Variants in MTHFD2L observed in about 807,000 individuals in gnomAD.
MTHFD2L encodes the protein methylenetetrahydrofolate dehydrogenase (NADP+ dependent) 2 like.
MTHFD2L carries 29 observed loss-of-function variants against 34.9 expected under a neutral mutation model. The observed-to-expected ratio is 0.83, with a 90% CI of 0.62 to 1.13. MTHFD2L has a LOEUF of 1.13. Ranked by LOEUF, MTHFD2L falls within the 50% of genes most tolerant of loss-of-function variation. MTHFD2L has a pLI of 0.00. For synonymous variants in MTHFD2L, 167 were observed against 155.7 expected (o/e 1.07, Z -0.54); for missense variants, 481 against 446.5 (o/e 1.08, Z -0.70).
chr4:74,129,730 G>A (rs1347910128), intron 1 of MTHFD2L, among the ~76,000 whole-genome samples: 1 of 151,732 alleles, frequency 6.6e-6, no homozygotes, highest in Non-Finnish European at 1.5e-5. Context: ...AAATAACTAA[G>A]ATCAGAATAG....
chr4:74,122,211 G>A (rs973086536), upstream of MTHFD2L, among the ~76,000 whole-genome samples: 1 of 152,114 alleles, frequency 6.6e-6, no homozygotes, highest in Admixed American at 6.6e-5. Context: ...AGAACTACCT[G>A]AGGCTGGGTA....
chr4:74,240,884 A>C (rs1020187734), intron 6 of MTHFD2L, among the ~76,000 whole-genome samples: 2 of 152,222 alleles, frequency 1.3e-5, no homozygotes, highest in Non-Finnish European at 2.9e-5. Flanking sequence ...GTCTCCTACA[A>C]ACTACCAAAC....
chr4:74,224,628 C>T (rs887171398), intron 5 of MTHFD2L, among the ~76,000 whole-genome samples: 8 of 152,078 alleles, frequency 5.3e-5, no homozygotes, highest in African/African-American at 1.9e-4. Context: ...TCTCTTGCCT[C>T]TCTTGTTCTT....
intron 6 of MTHFD2L, among the ~76,000 whole-genome samples, chr4:74,269,102 A>T (rs1389400810): frequency 1.3e-5 from 2 of 152,202 alleles, no homozygotes; most frequent in African/African-American, 4.8e-5. Context: ...TTTTCACCTG[A>T]AACAGAAAAA....
chr4:74,260,320 G>T (rs1484397669), intron 6 of MTHFD2L, among the ~76,000 whole-genome samples: 1 of 152,146 alleles, frequency 6.6e-6, no homozygotes, highest in Non-Finnish European at 1.5e-5. Flanking sequence ...AATCCTCCCT[G>T]TATCCACTCT....
rs762048685 is a variant in MTHFD2L, at chr4:74,301,801, A to G, written c.1036A>G (p.Ile346Val). ...KNTLLAAKKI[I>V]Y ...CACCCTTCTGGCAGCTAAAAAAATC[A>G]TTTACTAGATCACATGAAAGGATAA... The change falls in exon 8 of 8, where the codon ATT (isoleucine) becomes GTT (valine). Residue 346 changes from isoleucine to valine, a missense_variant. Coordinates refer to ENST00000325278, the MANE Select transcript of MTHFD2L (RefSeq NM_001144978.3). 1 of 1,600,382 alleles carries G rather than the reference A, an allele frequency of 6.2e-7. No individual in the cohort carries two copies. The highest frequency in any genetic ancestry group is 8.5e-7 in the Non-Finnish European group (1 of 1,170,716).
chr4:74,256,631 A>T (rs922677324), intron 6 of MTHFD2L, among the ~76,000 whole-genome samples: 4 of 152,204 alleles, frequency 2.6e-5, no homozygotes, highest in African/African-American at 9.6e-5. Context: ...TCTCAGCACC[A>T]TTTATGGAAT....
At chr4:74,288,571 A>C (rs747395034) in intron 7 of MTHFD2L, 19 of 152,192 alleles carry the variant, frequency 1.2e-4, no homozygotes, top group Non-Finnish European at 2.2e-4. Flanking sequence ...CATTCAGCTT[A>C]CCTATCCAGA....
chr4:74,230,305 G>C (rs575066496), intron 6 of MTHFD2L, among the ~76,000 whole-genome samples: 1 of 152,034 alleles, frequency 6.6e-6, no homozygotes, highest in African/African-American at 2.4e-5. Context: ...TGATGGGAAA[G>C]GTGGCCGGGT....
intron 1 of MTHFD2L, among the ~76,000 whole-genome samples, chr4:74,144,710 T>A (rs1560411600): frequency 6.6e-6 from 1 of 152,192 alleles, no homozygotes; most frequent in Non-Finnish European, 1.5e-5. Flanking sequence ...ATATTTGGTG[T>A]CTTGGAGATG....
In MTHFD2L at chr4:74,188,698, G is replaced by GTATATATATGGGTATATATATGTGTATA. The variant is rs1731799315; in HGVS notation, c.452-11096_452-11095insTATATATATGGGTATATATATGTGTATA. 7.1e-4 allele frequency among the ~76,000 whole-genome samples: 17 copies of GTATATATATGGGTATATATATGTGTATA among 24,018 alleles called. 1 individual carries two copies. The highest frequency in any genetic ancestry group is 2.6e-3 in the African/African-American group (16 of 6,216). The allele number at this position is 24,018 out of a possible 152,430, so 15.8% of individuals were successfully genotyped here. A position where few individuals can be genotyped will look rare whatever the true frequency, so the allele number is the denominator to read the frequency against. On this transcript the variant is annotated intron_variant, in intron 3 of 7. Transcript: ENST00000325278. ...TATAGGTATATATATATATGTGTAT[G>GTATATATATGGGTATATATATGTGTATA]CATATGTATATATATGGGTATATAT...
At chr4:74,138,451 G>C (rs942773002) in intron 1 of MTHFD2L, among the ~76,000 whole-genome samples, 1 of 152,106 alleles carries the variant, frequency 6.6e-6, no homozygotes, top group African/African-American at 2.4e-5. Context: ...TGGGCCATGC[G>C]GTGAGTGTTA....
chr4:74,173,534 T>A (rs1728432840), intron 1 of MTHFD2L, among the ~76,000 whole-genome samples: 1 of 152,208 alleles, frequency 6.6e-6, no homozygotes, highest in Non-Finnish European at 1.5e-5. Context: ...GGCCATGGAA[T>A]AACATTTTTC....
At chr4:74,183,084 T>C (rs1730492278) in intron 3 of MTHFD2L, 1 of 151,554 alleles carries the variant, frequency 6.6e-6, no homozygotes, top group Non-Finnish European at 1.5e-5. Context: ...TCAAAACCAC[T>C]GATAGAAAAA....
At chr4:74,272,872 A>G (rs1219923080) in intron 6 of MTHFD2L, among the ~76,000 whole-genome samples, 1 of 152,172 alleles carries the variant, frequency 6.6e-6, no homozygotes. Context: ...CAAATAACCT[A>G]TCCTTGAACT....
intron 1 of MTHFD2L, among the ~76,000 whole-genome samples, chr4:74,144,697 A>G (rs1458087653): frequency 6.6e-6 from 1 of 152,136 alleles, no homozygotes; most frequent in Non-Finnish European, 1.5e-5. Flanking sequence ...CTTTAGTTAC[A>G]TGATATTTGG....
chr4:74,152,034 T>C (rs919060251), intron 1 of MTHFD2L, among the ~76,000 whole-genome samples: 4 of 152,146 alleles, frequency 2.6e-5, no homozygotes, highest in African/African-American at 9.6e-5. Context: ...TCCAATATTA[T>C]CCTAATTAAC....
At chr4:74,205,520 T>C (rs1735143438) in intron 5 of MTHFD2L, among the ~76,000 whole-genome samples, 1 of 152,234 alleles carries the variant, frequency 6.6e-6, no homozygotes, top group South Asian at 2.1e-4. Flanking sequence ...TTGATTAATA[T>C]GTGTCTACCT....
At chr4:74,208,287 T>A (rs1429384853) in intron 5 of MTHFD2L, among the ~76,000 whole-genome samples, 1 of 26,608 alleles carries the variant, frequency 3.8e-5, no homozygotes, top group East Asian at 1.3e-3. Flanking sequence ...ACTGTTTCAT[T>A]TTCAGTGTCT....
Sources: allele counts gnomAD v4.1 joint callset (sites outside exome capture counted in the v4.1 genomes callset), GRCh38; gene constraint gnomAD v4.1.1; transcripts MANE v1.5; gene names NCBI Gene and HGNC (gene_info 2026-07-23, HGNC 2026-07-21).